SEMA3F: variants seen among roughly 807,000 people sequenced by gnomAD.
SEMA3F encodes the protein semaphorin 3F, also known as semaphorin-3F.
In SEMA3F, 30 loss-of-function variants were observed where a neutral mutation model predicts 98.5. The observed-to-expected ratio is 0.30, with a 90% CI of 0.23 to 0.41. The LOEUF is 0.41. Among genes scored for constraint, SEMA3F ranks in the 10% least tolerant of loss-of-function variants. The probability of loss-of-function intolerance (pLI) is 1.00; values close to 1 mark genes in which losing one functional copy is unlikely to be tolerated. For missense variants in SEMA3F, 866 were observed against 1,119.3 expected (o/e 0.77, Z 3.23); for synonymous variants, 380 against 444.8 (o/e 0.85, Z 1.83).
chr3:50,173,441 C>T (rs373495392), intron 2 of SEMA3F: 1 of 255,296 alleles, frequency 3.9e-6, no homozygotes. Context: ...CATTGCACTC[C>T]AGCCTGGGTG....
chr3:50,161,769 A>G (rs1201155943), intron 2 of SEMA3F, among the ~76,000 whole-genome samples: 1 of 152,162 alleles, frequency 6.6e-6, no homozygotes, highest in Non-Finnish European at 1.5e-5. Context: ...AAAGCAATGG[A>G]TATCCAGTTG....
rs965058464 is a variant in SEMA3F at position 50,184,734 on chromosome 3, C to T, written c.1376C>T (p.Ala459Val). ...CGGCCCCTGGTAGTCCGCACAGGTG[C>T]TCCCTACCGCCTTACCACTATTGCC... ...QRRPLVVRTG[A>V]PYRLTTIAVD... Residue 459 changes from alanine to valine, a missense_variant, in exon 13 of 19, where the codon GCT becomes GTT. Physicochemically the swap from Ala to Val is moderately conservative, Grantham distance 64 (BLOSUM62 0). Around this residue, in one of 3 missense-constraint regions of SEMA3F, gnomAD observed 374 missense variants for 582.8 expected, o/e 0.64. Transcript: ENST00000002829. 1 of 1,614,144 alleles carries T rather than the reference C, an allele frequency of 6.2e-7. No individual in the cohort carries two copies. Among genetic ancestry groups the T allele is most frequent in the African/African-American group, 1.3e-5 (1 of 75,052 alleles).
At position 50,186,025 on chromosome 3, in the gene SEMA3F, G is replaced by A. The variant is rs367805068; in HGVS notation, c.1724G>A (p.Arg575His). Residue 575 changes from arginine (R) to histidine (H), a missense_variant, in exon 16 of 19, where the codon CGC becomes CAC. Coordinates refer to ENST00000002829, the MANE Select transcript of SEMA3F (RefSeq NM_004186.5). ...YCAWDGQACS[R>H]YTASSKRRSR... Reference sequence around the variant, plus strand: ...GCCTGGGATGGCCAGGCCTGCTCCCGCTATACAGCATCCTCCAAGAGGTGT... The same window carrying A: ...GCCTGGGATGGCCAGGCCTGCTCCCACTATACAGCATCCTCCAAGAGGTGT... The A allele has an allele frequency of 1.5e-5, 24 of 1,612,904 alleles. No homozygotes were observed. The highest frequency in any genetic ancestry group is 1.3e-5 in the African/African-American group (1 of 74,882).
intron 1 of SEMA3F, among the ~76,000 whole-genome samples, chr3:50,157,856 A>C (rs1485479783): frequency 6.6e-6 from 1 of 152,192 alleles, no homozygotes; most frequent in Non-Finnish European, 1.5e-5. Context: ...AAATGAGGTC[A>C]TGGGGAGGGG....
chr3:50,176,619 G>C, intron 6 of SEMA3F, 149 bp from the exon 7 acceptor site: 1 of 642,934 alleles, frequency 1.6e-6, no homozygotes, highest in Non-Finnish European at 2.8e-6. Context: ...TGGCTGGATG[G>C]AGTTTAAGGC....
Position 50,174,133 on chromosome 3 carries a change from A to G in SEMA3F, c.336+19A>G. On this transcript the variant is annotated intron_variant, in intron 4 of 18. Coordinates refer to ENST00000002829, the MANE Select transcript of SEMA3F (RefSeq NM_004186.5). ...TGTCAACGTGAGTTTGGTGGGATCC[A>G]CAGGTGGGAAGGGGGAATCCACAGG... 1 of 1,614,026 alleles carries G rather than the reference A, an allele frequency of 6.2e-7. No individual in the cohort carries two copies. Among genetic ancestry groups the G allele is most frequent in the Non-Finnish European group, 8.5e-7 (1 of 1,179,938 alleles).
chr3:50,188,197 A>T lies in SEMA3F; in HGVS notation c.*82A>T. 2.2e-6 allele frequency: 1 copy of T among 461,262 alleles called. No homozygotes were observed. Among genetic ancestry groups the T allele is most frequent in the Non-Finnish European group, 3.2e-6 (1 of 311,628 alleles). 28.6% of individuals were successfully genotyped at this position (461,262 alleles called of 1,614,324 possible). On this transcript the variant is annotated 3_prime_UTR_variant, in exon 19 of 19. Coordinates refer to ENST00000002829, the MANE Select transcript of SEMA3F (RefSeq NM_004186.5). The surrounding 1 kb of genome is among the most constrained non-coding windows in gnomAD (Gnocchi z 4.5). ...AAGATATATATATATATATATATAT[A>T]TAAAATATCTATATTCTATACACAC...
In SEMA3F at chr3:50,182,934, A is replaced by C. The variant is rs766901674; in HGVS notation, c.934A>C (p.Asn312His). 3 of 1,614,002 alleles carry C rather than the reference A, an allele frequency of 1.9e-6. No homozygotes were observed. In the South Asian group the frequency reaches 3.3e-5, roughly 18 times the overall value. The change falls in exon 10 of 19, where the codon AAC (asparagine) becomes CAC (histidine). Residue 312 changes from asparagine to histidine, a missense_variant. Around this residue, in one of 3 missense-constraint regions of SEMA3F, gnomAD observed 374 missense variants for 582.8 expected, o/e 0.64. Coordinates refer to ENST00000002829, the MANE Select transcript of SEMA3F (RefSeq NM_004186.5). The surrounding 1 kb of genome is among the most constrained non-coding windows in gnomAD (Gnocchi z 4.5). ...TGACGGTGGTCACTGTTGCCTGGTCAACAAGTGGAGCACATTCCTGAAGGC... is the reference window on the plus strand; with the variant it reads ...TGACGGTGGTCACTGTTGCCTGGTCCACAAGTGGAGCACATTCCTGAAGGC... ...NDDGGHCCLV[N>H]KWSTFLKARL...
intron 7 of SEMA3F, among the ~76,000 whole-genome samples, chr3:50,181,443 T>C (rs1238354938): frequency 4.0e-5 from 6 of 151,746 alleles, no homozygotes; most frequent in Non-Finnish European, 4.4e-5. Flanking sequence ...TGCCTCAGCC[T>C]CCTGAGTAGC....
rs749976415 is a variant in SEMA3F, at chr3:50,183,553, C to G, written c.1222C>G (p.Arg408Gly). ...CTTCTCAGGGAAGATGCCCTACCCA[C>G]GGCCGGGCACGGTAAGGACCCCACT... ...MPFSGKMPYP[R>G]PGTCPGGTFT... Residue 408 changes from arginine (R) to glycine (G), a missense_variant, in exon 12 of 19, where the codon CGG becomes GGG. Transcript: ENST00000002829. The G allele has an allele frequency of 6.2e-7, 1 of 1,613,918 alleles. No homozygotes were observed. Among genetic ancestry groups the G allele is most frequent in the Admixed American group, 1.7e-5 (1 of 60,020 alleles).
chr3:50,161,121 C>T (rs548027897), intron 2 of SEMA3F, among the ~76,000 whole-genome samples: 5 of 152,098 alleles, frequency 3.3e-5, no homozygotes, highest in East Asian at 3.9e-4. Context: ...GGTCTGGCAG[C>T]GAGAGTAGAG....
chr3:50,184,843 A>G, intron 13 of SEMA3F, 29 bp downstream of exon 13: 1 of 1,558,096 alleles, frequency 6.4e-7, no homozygotes, highest in Non-Finnish European at 8.8e-7. Flanking sequence ...GGCCTCTCCC[A>G]CGCTGGGCCC....
At chr3:50,178,615 G>A (rs1346676920) in intron 7 of SEMA3F, among the ~76,000 whole-genome samples, 1 of 150,988 alleles carries the variant, frequency 6.6e-6, no homozygotes, top group East Asian at 2.0e-4. Context: ...CCAGCTACTT[G>A]GGAGGCTAAG....
intron 7 of SEMA3F, among the ~76,000 whole-genome samples, chr3:50,180,973 A>G (rs1698992718): frequency 6.6e-6 from 1 of 152,064 alleles, no homozygotes; most frequent in Admixed American, 6.6e-5. Context: ...AGGCTGAGGC[A>G]AGAGAGTTGC....
chr3:50,164,025 C>A (rs892303891), intron 2 of SEMA3F, among the ~76,000 whole-genome samples: 4 of 152,230 alleles, frequency 2.6e-5, no homozygotes, highest in African/African-American at 9.6e-5. Flanking sequence ...CATCCCCCAA[C>A]TGGCTAGGAA....
At chr3:50,172,794 C>T (rs1210514519) in intron 2 of SEMA3F, among the ~76,000 whole-genome samples, 2 of 152,144 alleles carry the variant, frequency 1.3e-5, no homozygotes, top group Non-Finnish European at 2.9e-5. Context: ...ACCAGCTGTG[C>T]CCTCTGCCTG....
At chr3:50,179,573 A>C (rs887167995) in intron 7 of SEMA3F, among the ~76,000 whole-genome samples, 1 of 151,634 alleles carries the variant, frequency 6.6e-6, no homozygotes, top group African/African-American at 2.4e-5. Flanking sequence ...TGTTCCTCCC[A>C]CCTCCGCCTC....
rs1162285927 is a variant in SEMA3F, at chr3:50,166,169, G to A, written c.112+6435G>A. 1.3e-5 allele frequency among the ~76,000 whole-genome samples: 2 copies of A among 150,826 alleles called. No homozygotes were observed. The highest frequency in any genetic ancestry group is 2.9e-5 in the Non-Finnish European group (2 of 67,830). ...GCCACCCCTCTTGGCTTCCTACCCG[G>A]ACATGCTCTTTCCTCGGACGTCTCT... On this transcript the variant is annotated intron_variant, in intron 2 of 18. Coordinates refer to ENST00000002829, the MANE Select transcript of SEMA3F (RefSeq NM_004186.5). This position sits in a 1 kb window ranked among gnomAD's most constrained non-coding sequence, Gnocchi z 4.7.
At chr3:50,159,390 T>G in intron 1 of SEMA3F, 185 bp from the exon 2 acceptor site, 2 of 495,728 alleles carry the variant, frequency 4.0e-6, no homozygotes, top group Non-Finnish European at 7.0e-6. Context: ...CTGGGGCCTA[T>G]TGGTACTATC....
Sources: gnomAD v4.1 joint callset for allele counts (sites outside exome capture counted in the v4.1 genomes callset) on GRCh38, gnomAD v4.1.1 for gene constraint, gnomAD v4.1.1 regional missense constraint, Gnocchi (gnomAD v3.1) non-coding constraint, MANE v1.5 for transcripts, NCBI Gene and HGNC (gene_info 2026-07-23, HGNC 2026-07-21) for gene names.